Variants in EMILIN2 observed in about 807,000 individuals in gnomAD.
EMILIN2 encodes EMILIN-2.
A neutral mutation model predicts 87.1 loss-of-function variants in EMILIN2; 71 were observed. That is an observed-to-expected ratio of 0.82 (90% CI 0.67 to 0.99). The LOEUF is 0.99. EMILIN2 is among the 50% of genes least tolerant of loss of function. The pLI is 0.00. For synonymous variants in EMILIN2, 581 were observed against 563.4 expected, an observed-to-expected ratio of 1.03 and a Z score of -0.44; for missense variants, 1,407 against 1,371.8, an observed-to-expected ratio of 1.03 and a Z score of -0.40.
chr18:2,903,797 C>T (rs914599294), intron 4 of EMILIN2, among the ~76,000 whole-genome samples: 1 of 152,090 alleles, frequency 6.6e-6, no homozygotes, highest in Non-Finnish European at 1.5e-5. Context: ...AATTGACCTC[C>T]CTCCTGGAAT....
Position 2,847,951 on chromosome 18 carries a change from A to G in EMILIN2, c.257+20A>G. ...GCTGGTGTAAGTCCTGGAGCCGGGG[A>G]GCGGGCGGGGCGCGCCCGGGCCGGG... On this transcript the variant is annotated intron_variant, in intron 2 of 7. Transcript: ENST00000254528. This position sits in a 1 kb window ranked among gnomAD's most constrained non-coding sequence, Gnocchi z 4.5. The G allele has an allele frequency of 5.3e-6, 8 of 1,522,374 alleles. No individual in the cohort carries two copies. Among genetic ancestry groups the G allele is most frequent in the Non-Finnish European group, 5.3e-6 (6 of 1,126,508 alleles). 94.3% of individuals were successfully genotyped at this position (1,522,374 alleles called of 1,614,324 possible). A position where few individuals can be genotyped will look rare whatever the true frequency, so the allele number is the denominator to read the frequency against.
intron 4 of EMILIN2, among the ~76,000 whole-genome samples, chr18:2,898,412 A>T (rs1296989977): frequency 5.3e-5 from 8 of 152,112 alleles, no homozygotes; most frequent in Non-Finnish European, 1.5e-5. Context: ...CCTCAGCTGG[A>T]CCCTGCCTTC....
At position 2,880,448 on chromosome 18, in the gene EMILIN2, C is replaced by A. The variant is rs954474462; in HGVS notation, c.258-4516C>A. 6.6e-5 allele frequency among the ~76,000 whole-genome samples: 10 copies of A among 152,132 alleles called. No individual in the cohort carries two copies. Among genetic ancestry groups the A allele is most frequent in the Non-Finnish European group, 1.5e-4 (10 of 68,022 alleles). ...TGGAATGGGGGAGAGTTCACAGGGG[C>A]GAGGCGGCAGGGCGACAGGCCCAGG... On this transcript the variant is annotated intron_variant, in intron 2 of 7. Transcript: ENST00000254528. This position sits in a 1 kb window ranked among gnomAD's most constrained non-coding sequence, Gnocchi z 4.1.
chr18:2,858,563 ATATATATGTGTG>A (rs2076641994), intron 2 of EMILIN2, among the ~76,000 whole-genome samples: 4 of 68,734 alleles, frequency 5.8e-5, no homozygotes, highest in Admixed American at 5.7e-4. Context: ...ATATATATAT[ATATATATGTGTG>A]TGTGTGTGTA....
chr18:2,872,529 G>T (rs2076725166), intron 2 of EMILIN2, among the ~76,000 whole-genome samples: 1 of 152,090 alleles, frequency 6.6e-6, no homozygotes, highest in Non-Finnish European at 1.5e-5. Flanking sequence ...GACTGAAAAT[G>T]GTTTTTAATA....
chr18:2,896,257 C>A (rs561368237), intron 4 of EMILIN2, among the ~76,000 whole-genome samples: 1 of 152,102 alleles, frequency 6.6e-6, no homozygotes, highest in African/African-American at 2.4e-5. Flanking sequence ...CTCACTGCAA[C>A]CTCCGCCTCC....
intron 2 of EMILIN2, among the ~76,000 whole-genome samples, chr18:2,864,945 T>C (rs938751405): frequency 1.3e-5 from 2 of 151,970 alleles, no homozygotes; most frequent in African/African-American, 4.8e-5. Context: ...TAAACTTCTC[T>C]TCTCACTTCA....
chr18:2,856,648 T>A (rs1184174399), intron 2 of EMILIN2, among the ~76,000 whole-genome samples: 1 of 152,212 alleles, frequency 6.6e-6, no homozygotes, highest in Non-Finnish European at 1.5e-5. Context: ...GGGGAAACCG[T>A]ACCAGTGGTG....
chr18:2,894,082 C>T lies in EMILIN2; in HGVS notation c.2359+1596C>T, dbSNP rs762372234. Among the ~76,000 whole-genome samples the T allele has an allele frequency of 6.6e-6, 1 of 152,152 alleles. No homozygotes were observed. Among genetic ancestry groups the T allele is most frequent in the South Asian group, 2.1e-4 (1 of 4,828 alleles). Reference sequence around the variant, plus strand: ...CCGCTCTGGGTGACACAGGCCCTTGCACAAGGAACTGAGATTTCATGGCCT... The same window carrying T: ...CCGCTCTGGGTGACACAGGCCCTTGTACAAGGAACTGAGATTTCATGGCCT... On this transcript the variant is annotated intron_variant, in intron 4 of 7. Coordinates refer to ENST00000254528, the MANE Select transcript of EMILIN2 (RefSeq NM_032048.3). This position sits in a 1 kb window ranked among gnomAD's most constrained non-coding sequence, Gnocchi z 5.0.
Position 2,913,223 on chromosome 18 carries a change from G to A in EMILIN2, c.2981G>A (p.Arg994His), listed in dbSNP as rs774808528. 21 of 1,613,944 alleles carry A rather than the reference G, an allele frequency of 1.3e-5. No individual in the cohort carries two copies. In the South Asian group the frequency reaches 1.4e-4, roughly 11 times the overall value. ...GYRREFLEYH[R>H]PPGALHTCGG... ...AGGAGAGAGTTCCTGGAATACCACC[G>A]CCCTCCAGGAGCTTTGCATACCTGC... Residue 994 changes from arginine (R) to histidine (H), a missense_variant, in exon 8 of 8, where the codon CGC (arginine) becomes CAC (histidine). Coordinates refer to ENST00000254528, the MANE Select transcript of EMILIN2 (RefSeq NM_032048.3).
intron 2 of EMILIN2, among the ~76,000 whole-genome samples, chr18:2,881,688 T>C (rs1300144099): frequency 6.6e-6 from 1 of 152,234 alleles, no homozygotes; most frequent in Non-Finnish European, 1.5e-5. Flanking sequence ...TCCTGGCCGA[T>C]GAACAAAACC....
At chr18:2,892,511 T>G in intron 4 of EMILIN2, 25 bp downstream of exon 4, 1 of 1,544,262 alleles carries the variant, frequency 6.5e-7, no homozygotes, top group Non-Finnish European at 8.7e-7. Context: ...ACAATTCTAT[T>G]TCTTGTATTT....
chr18:2,846,501 T>C (rs3810068), upstream of EMILIN2, among the ~76,000 whole-genome samples: 72,608 of 152,176 alleles, frequency 0.48, 18,674 homozygotes, highest in African/African-American at 0.66. The surrounding 1 kb of genome is among the most constrained non-coding windows in gnomAD (Gnocchi z 5.3). Context: ...AAGGCAGAGT[T>C]GGGCAAAGAA....
intron 2 of EMILIN2, among the ~76,000 whole-genome samples, chr18:2,882,797 C>T (rs548010131): frequency 6.6e-6 from 1 of 151,834 alleles, no homozygotes; most frequent in East Asian, 1.9e-4. Context: ...GCAGGCGAAT[C>T]GCTTGAACCC....
chr18:2,865,997 G>A (rs1488966777), intron 2 of EMILIN2, among the ~76,000 whole-genome samples: 5 of 152,224 alleles, frequency 3.3e-5, no homozygotes, highest in Non-Finnish European at 7.3e-5. Flanking sequence ...ATGGGTGTAG[G>A]ACCTTCCGAG....
At position 2,880,775 on chromosome 18, in the gene EMILIN2, G is replaced by A. The variant is rs1159176877; in HGVS notation, c.258-4189G>A. Among the ~76,000 whole-genome samples, 1 of 152,156 alleles carries A rather than the reference G, an allele frequency of 6.6e-6. No homozygotes were observed. Among genetic ancestry groups the A allele is most frequent in the Non-Finnish European group, 1.5e-5 (1 of 68,018 alleles). On this transcript the variant is annotated intron_variant, in intron 2 of 7. Coordinates refer to ENST00000254528, the MANE Select transcript of EMILIN2 (RefSeq NM_032048.3). The surrounding 1 kb of genome is among the most constrained non-coding windows in gnomAD (Gnocchi z 4.1). Reference sequence around the variant, plus strand: ...CTTGGGCCGCCTGTCTCTGTTTCATGTCCCCTGCCTGGTCCTCTTAGGAGG... The same window carrying A: ...CTTGGGCCGCCTGTCTCTGTTTCATATCCCCTGCCTGGTCCTCTTAGGAGG...
At chr18:2,885,840 A>G (rs1257418103) in intron 3 of EMILIN2, among the ~76,000 whole-genome samples, 5 of 152,208 alleles carry the variant, frequency 3.3e-5, no homozygotes, top group Non-Finnish European at 7.3e-5. Flanking sequence ...TTTTAAGTTC[A>G]GTCACAATAA....
intron 2 of EMILIN2, among the ~76,000 whole-genome samples, chr18:2,860,162 A>G (rs2076653226): frequency 6.6e-6 from 1 of 152,074 alleles, no homozygotes; most frequent in Non-Finnish European, 1.5e-5. Context: ...TCTTGACAGT[A>G]TGGTCATTTT....
chr18:2,868,366 G>A (rs537906662), intron 2 of EMILIN2, among the ~76,000 whole-genome samples: 236 of 152,276 alleles, frequency 1.5e-3, no homozygotes, highest in African/African-American at 5.0e-3. Flanking sequence ...GGGCGGCCAC[G>A]CAGAGACACT....
Sources: gnomAD v4.1 joint callset for allele counts (sites outside exome capture counted in the v4.1 genomes callset) on GRCh38, gnomAD v4.1.1 for gene constraint, Gnocchi (gnomAD v3.1) non-coding constraint, MANE v1.5 for transcripts, NCBI Gene and HGNC (gene_info 2026-07-23, HGNC 2026-07-21) for gene names.